Variants in SAMD5 observed in about 807,000 individuals in gnomAD.
SAMD5 encodes sterile alpha motif domain-containing protein 5.
SAMD5 carries 13 observed loss-of-function variants against 11.3 expected under a neutral mutation model. The ratio of observed to expected loss-of-function variants is 1.15; its 90% CI spans 0.75 to 1.83. The LOEUF is 1.83. SAMD5 is among the 40% of genes most tolerant of loss of function. The pLI, the probability that SAMD5 is intolerant of heterozygous loss-of-function variation, is 0.00. For missense variants in SAMD5, 255 were observed against 239.1 expected, an observed-to-expected ratio of 1.07 and a Z score of -0.44; for synonymous variants, 129 against 111.3, an observed-to-expected ratio of 1.16 and a Z score of -1.00.
the SAMD5 span, among the ~76,000 whole-genome samples, chr6:147,865,313 AGTGTGTGTGTGT>A: frequency 0.079 from 11,583 of 147,140 alleles, 500 homozygotes; most frequent in Middle Eastern, 0.1. Flanking sequence ...TAGGTATATA[AGTGTGTGTGTGT>A]GTGTGTGTGT....
chr6:147,573,973 A>G (rs903364074), downstream of SAMD5, among the ~76,000 whole-genome samples: 1 of 151,926 alleles, frequency 6.6e-6, no homozygotes, highest in Non-Finnish European at 1.5e-5. Flanking sequence ...AAAAACAAAA[A>G]CAAAATTAGC....
intron 1 of SAMD5, among the ~76,000 whole-genome samples, chr6:147,622,064 C>T (rs530148190): frequency 6.6e-6 from 1 of 152,214 alleles, no homozygotes; most frequent in East Asian, 1.9e-4. Context: ...TCTTGCTTTC[C>T]TAGGTTGTCT....
intron 1 of SAMD5, among the ~76,000 whole-genome samples, chr6:147,621,666 G>T (rs904178509): frequency 1.3e-5 from 2 of 152,216 alleles, no homozygotes; most frequent in African/African-American, 2.4e-5. Context: ...TCAGCTAGGG[G>T]TTCTCTGCCA....
intron 1 of SAMD5, among the ~76,000 whole-genome samples, chr6:147,527,751 G>T (rs1344215499): frequency 1.3e-5 from 2 of 152,074 alleles, no homozygotes; most frequent in Non-Finnish European, 2.9e-5. Flanking sequence ...AAACTAGTTA[G>T]TTACTTCCAA....
intron 1 of SAMD5, among the ~76,000 whole-genome samples, chr6:147,664,447 C>T (rs971418911): frequency 2.0e-5 from 3 of 152,054 alleles, no homozygotes; most frequent in Non-Finnish European, 4.4e-5. Flanking sequence ...GAGATTTCCT[C>T]CATCAGACTC....
At chr6:147,675,135 A>G (rs1790845235) in intron 1 of SAMD5, among the ~76,000 whole-genome samples, 1 of 152,216 alleles carries the variant, frequency 6.6e-6, no homozygotes, top group Non-Finnish European at 1.5e-5. Context: ...ACCCTCAAAG[A>G]CATAAAAACC....
At chr6:147,885,479 T>C in the SAMD5 span, among the ~76,000 whole-genome samples, 6,815 of 152,176 alleles carry the variant, frequency 0.045, 187 homozygotes, top group Non-Finnish European at 0.058. Context: ...ATATTTTGTT[T>C]CCTCTCTTAC....
At chr6:147,728,424 GAAAC>G (rs751292206) in intron 1 of SAMD5, among the ~76,000 whole-genome samples, 251 of 152,196 alleles carry the variant, frequency 1.6e-3, no homozygotes, top group Admixed American at 2.7e-3. Flanking sequence ...TCTCAAAGAA[GAAAC>G]AAACAAACAA....
At chr6:147,561,677 A>T (rs1788952987) in intron 1 of SAMD5, among the ~76,000 whole-genome samples, 1 of 152,030 alleles carries the variant, frequency 6.6e-6, no homozygotes, top group South Asian at 2.1e-4. Context: ...AAATATGAGA[A>T]ATGTGTGATA....
At chr6:147,534,153 A>T (rs1185310597) in intron 1 of SAMD5, among the ~76,000 whole-genome samples, 3 of 152,166 alleles carry the variant, frequency 2.0e-5, no homozygotes, top group African/African-American at 7.2e-5. Context: ...GGAGTTCAGA[A>T]CCCTGTGATG....
rs529975933 is a variant in SAMD5 at position 147,626,791 on chromosome 6, G to GAAAAAAAAAAAAAAAAAAAA, written c.163-110519_163-110500dup. 1.6e-3 allele frequency among the ~76,000 whole-genome samples: 87 copies of GAAAAAAAAAAAAAAAAAAAA among 54,728 alleles called. 2 individuals carry two copies. Among genetic ancestry groups the GAAAAAAAAAAAAAAAAAAAA allele is most frequent in the African/African-American group, 1.9e-3 (35 of 18,660 alleles). The allele number at this position is 54,728 out of a possible 152,430, so 35.9% of individuals were successfully genotyped here. A position where few individuals can be genotyped will look rare whatever the true frequency, so the allele number is the denominator to read the frequency against. On this transcript the variant is annotated intron_variant, in intron 1 of 1. Transcript: ENST00000566741. ...CAACATAACGAGACACTGTTTCTATGAAAAAAAAAAAAAAAAAAAAAAAAA... is the reference window on the plus strand; with the variant it reads ...CAACATAACGAGACACTGTTTCTATGAAAAAAAAAAAAAAAAAAAAAAAAAAAAAAAAAAAAAAAAAAAAA...
At chr6:147,763,546 G>A in the SAMD5 span, among the ~76,000 whole-genome samples, 4 of 151,286 alleles carry the variant, frequency 2.6e-5, no homozygotes, top group African/African-American at 9.7e-5. Context: ...TTCCTGTTCC[G>A]GACTACATTA....
chr6:147,919,719 A>G, the SAMD5 span, among the ~76,000 whole-genome samples: 1 of 152,196 alleles, frequency 6.6e-6, no homozygotes, highest in Non-Finnish European at 1.5e-5. Context: ...CTTGACTTTT[A>G]AAGTTGGTTC....
chr6:147,686,125 C>T (rs1382762089), intron 1 of SAMD5, among the ~76,000 whole-genome samples: 1 of 152,008 alleles, frequency 6.6e-6, no homozygotes, highest in Non-Finnish European at 1.5e-5. Context: ...ATATATTTTG[C>T]CGTTTTTAAA....
chr6:147,615,823 A>G (rs1342212911), intron 1 of SAMD5, among the ~76,000 whole-genome samples: 6 of 152,284 alleles, frequency 3.9e-5, no homozygotes. Context: ...TTTTAAATAA[A>G]TAAATTACAT....
At chr6:147,530,805 T>A (rs2128441085) in intron 1 of SAMD5, among the ~76,000 whole-genome samples, 1 of 152,278 alleles carries the variant, frequency 6.6e-6, no homozygotes, top group Middle Eastern at 3.4e-3. Context: ...ACATTCAGGG[T>A]TCTGAGCCCC....
At chr6:147,657,112 G>C (rs569187819) in intron 1 of SAMD5, among the ~76,000 whole-genome samples, 3 of 152,172 alleles carry the variant, frequency 2.0e-5, no homozygotes, top group African/African-American at 7.2e-5. Context: ...TGATTTCCAG[G>C]ATATATACTG....
the SAMD5 span, among the ~76,000 whole-genome samples, chr6:147,751,702 C>A: frequency 6.6e-6 from 1 of 152,284 alleles, no homozygotes; most frequent in Non-Finnish European, 1.5e-5. Flanking sequence ...ACTAATCACA[C>A]GATTGAGGCC....
chr6:147,729,089 G>T (rs1791670113), intron 1 of SAMD5, among the ~76,000 whole-genome samples: 1 of 152,162 alleles, frequency 6.6e-6, no homozygotes, highest in Non-Finnish European at 1.5e-5. Context: ...TTTGTCCTTG[G>T]CTTGCTGACG....
Sources: gnomAD v4.1 joint callset for allele counts (sites outside exome capture counted in the v4.1 genomes callset) on GRCh38, gnomAD v4.1.1 for gene constraint, MANE v1.5 for transcripts, NCBI Gene and HGNC (gene_info 2026-07-23, HGNC 2026-07-21) for gene names.